Variants in SYNPR observed in about 807,000 individuals in gnomAD.
SYNPR encodes synaptoporin.
In SYNPR, 23 loss-of-function variants were observed where a neutral mutation model predicts 32.9. The observed-to-expected ratio is 0.70, with a 90% confidence interval of 0.50 to 0.99. The LOEUF (loss-of-function observed/expected upper bound fraction) is 0.99, where lower values mean the gene tolerates loss of function less well. Ranked by LOEUF, SYNPR falls within the 50% of genes least tolerant of loss-of-function variation. The pLI is 0.00. For missense variants in SYNPR, 318 were observed against 349.3 expected (o/e 0.91, Z 0.71); for synonymous variants, 146 against 135.9 (o/e 1.07, Z -0.52).
chr3:63,397,497 TC>T (rs1378012867), intron 2 of SYNPR, among the ~76,000 whole-genome samples: 1 of 152,184 alleles, frequency 6.6e-6, no homozygotes, highest in East Asian at 1.9e-4. Context: ...TCCTGCATTC[TC>T]CTTTTTCTAG....
At chr3:63,347,629 C>T (rs2087454283) in intron 2 of SYNPR, among the ~76,000 whole-genome samples, 1 of 152,142 alleles carries the variant, frequency 6.6e-6, no homozygotes, top group African/African-American at 2.4e-5. Flanking sequence ...CCCTCACCCT[C>T]CACCCTTCCA....
the SYNPR span, among the ~76,000 whole-genome samples, chr3:63,205,520 G>A: frequency 7.9e-5 from 12 of 152,326 alleles, no homozygotes; most frequent in Non-Finnish European, 1.8e-4. Flanking sequence ...AAATTTTGGA[G>A]TTGCTGTTAA....
At chr3:63,429,235 A>T (rs1699943286) in intron 2 of SYNPR, among the ~76,000 whole-genome samples, 1 of 152,250 alleles carries the variant, frequency 6.6e-6, no homozygotes, top group Admixed American at 6.5e-5. Flanking sequence ...TACTATGCTG[A>T]AAGGATTGTA....
chr3:63,477,501 G>A (rs1430096773), intron 2 of SYNPR, among the ~76,000 whole-genome samples: 4 of 152,186 alleles, frequency 2.6e-5, no homozygotes, highest in African/African-American at 9.6e-5. Context: ...CAGGGAGCTA[G>A]AAGAACACTT....
rs781382715 is a variant in SYNPR, at chr3:63,609,288, C to T, written c.572C>T (p.Pro191Leu). The T allele has an allele frequency of 2.5e-6, 4 of 1,595,024 alleles. No homozygotes were observed. The highest frequency in any genetic ancestry group is 2.6e-6 in the Non-Finnish European group (3 of 1,170,070). Residue 191 changes from proline to leucine, a missense_variant, in exon 5 of 6, where the codon CCT becomes CTT. Coordinates refer to ENST00000478300, the MANE Select transcript of SYNPR (RefSeq NM_001130003.2). ...AACAAATGCATGGCTATCCACAGCC[C>T]TGTTATGTCAAGCTTAAACACTTCT... ...PSNKCMAIHS[P>L]VMSSLNTSVV...
intron 2 of SYNPR, among the ~76,000 whole-genome samples, chr3:63,366,465 A>G (rs1404900758): frequency 2.0e-5 from 3 of 152,080 alleles, no homozygotes; most frequent in Non-Finnish European, 4.4e-5. Flanking sequence ...CTGGAGCATA[A>G]TTTCATATAA....
chr3:63,374,579 C>A (rs2087860606), intron 2 of SYNPR, among the ~76,000 whole-genome samples: 1 of 152,028 alleles, frequency 6.6e-6, no homozygotes, highest in South Asian at 2.1e-4. Context: ...TACCCCTGAA[C>A]CTAAAATAAA....
At chr3:63,504,830 C>T (rs1258503184) in intron 3 of SYNPR, among the ~76,000 whole-genome samples, 1 of 151,954 alleles carries the variant, frequency 6.6e-6, no homozygotes, top group Non-Finnish European at 1.5e-5. Flanking sequence ...AGTAGAATTT[C>T]CAAATGTCAG....
intron 2 of SYNPR, among the ~76,000 whole-genome samples, chr3:63,434,513 G>A (rs1221678962): frequency 6.6e-6 from 1 of 152,202 alleles, no homozygotes; most frequent in Non-Finnish European, 1.5e-5. Flanking sequence ...AGTACCTCTT[G>A]ATCAAATTTA....
intron 2 of SYNPR, among the ~76,000 whole-genome samples, chr3:63,446,838 T>C (rs1247686935): frequency 3.3e-5 from 5 of 152,154 alleles, no homozygotes; most frequent in East Asian, 3.9e-4. Context: ...CAATATTGAG[T>C]TCTTGGTGTG....
intron 2 of SYNPR, among the ~76,000 whole-genome samples, chr3:63,333,251 G>A (rs1217226546): frequency 6.6e-6 from 1 of 151,386 alleles, no homozygotes; most frequent in African/African-American, 2.4e-5. Flanking sequence ...TTAATCAACA[G>A]TGAGTTCCTG....
intron 2 of SYNPR, among the ~76,000 whole-genome samples, chr3:63,479,831 C>A (rs1701010770): frequency 6.6e-6 from 1 of 152,154 alleles, no homozygotes; most frequent in Non-Finnish European, 1.5e-5. Context: ...CATTCCAGAG[C>A]CCTTGACCCC....
At chr3:63,422,027 A>C (rs57998404) in intron 2 of SYNPR, among the ~76,000 whole-genome samples, 58,691 of 152,082 alleles carry the variant, frequency 0.39, 12,166 homozygotes, top group East Asian at 0.63. Flanking sequence ...TATTCATTAC[A>C]TATTGCAAGA....
intron 2 of SYNPR, chr3:63,452,144 A>T (rs1168923098): frequency 1.4e-6 from 1 of 701,496 alleles, no homozygotes; most frequent in South Asian, 1.5e-5. Flanking sequence ...TTGCTCACTC[A>T]TTCATTTGTT....
Position 63,549,367 on chromosome 3 carries a change from C to T in SYNPR, c.210-7176C>T, listed in dbSNP as rs897555556. On this transcript the variant is annotated intron_variant, in intron 3 of 5. Coordinates refer to ENST00000478300, the MANE Select transcript of SYNPR (RefSeq NM_001130003.2). The stretch of plus-strand genomic sequence containing the variant: ...ATATTCAGCTGGAAATCTAAGGATG[C>T]TGTAATTTTTAAAGAAGAGAGGCAG... Among the ~76,000 whole-genome samples, 8 of 152,244 alleles carry T rather than the reference C, an allele frequency of 5.3e-5. No individual in the cohort carries two copies. In the East Asian group the frequency reaches 1.4e-3, roughly 26 times the overall value.
intron 2 of SYNPR, among the ~76,000 whole-genome samples, chr3:63,441,600 A>G (rs1700177516): frequency 6.6e-6 from 1 of 152,072 alleles, no homozygotes; most frequent in African/African-American, 2.4e-5. Flanking sequence ...CCTGCTTCAG[A>G]TGTGTTCACT....
upstream of SYNPR, among the ~76,000 whole-genome samples, chr3:63,274,538 A>G (rs2106911743): frequency 6.6e-6 from 1 of 152,308 alleles, no homozygotes; most frequent in South Asian, 2.1e-4. Flanking sequence ...TTGTAACTTG[A>G]TTCTCATTTG....
intron 2 of SYNPR, among the ~76,000 whole-genome samples, chr3:63,380,323 A>G (rs924290159): frequency 3.5e-4 from 53 of 152,186 alleles, no homozygotes; most frequent in Middle Eastern, 3.4e-3. Flanking sequence ...AAGTGTTCCT[A>G]TTTCTCCACA....
In SYNPR at chr3:63,355,744, G is replaced by A. The variant is rs539924036; in HGVS notation, c.84+77002G>A. Among the ~76,000 whole-genome samples, 13 of 151,530 alleles carry A rather than the reference G, an allele frequency of 8.6e-5. No individual in the cohort carries two copies. The South Asian group carries it at 2.1e-3, about 24-fold the overall frequency. ...GCTCAGCCCCCTTCTCTGCCACACA[G>A]CCTTTGCCAGTGCCTGGGCCTCCCT... On this transcript the variant is annotated intron_variant, in intron 2 of 5. Coordinates refer to ENST00000478300, the MANE Select transcript of SYNPR (RefSeq NM_001130003.2).
Sources: allele counts gnomAD v4.1 joint callset (sites outside exome capture counted in the v4.1 genomes callset), GRCh38; gene constraint gnomAD v4.1.1; transcripts MANE v1.5; gene names NCBI Gene and HGNC (gene_info 2026-07-23, HGNC 2026-07-21).